Variants in GRID1 observed in about 807,000 individuals in gnomAD.
GRID1 encodes glutamate ionotropic receptor delta type subunit 1.
GRID1 carries 28 observed loss-of-function variants against 98.0 expected under a neutral mutation model. The observed-to-expected ratio is 0.29, with a 90% CI of 0.21 to 0.39. GRID1 has a LOEUF of 0.39. Ranked by LOEUF, GRID1 falls within the 10% of genes least tolerant of loss-of-function variation. The pLI is 1.00. For missense variants in GRID1, 1,111 were observed against 1,340.5 expected, an observed-to-expected ratio of 0.83 and a Z score of 2.67; for synonymous variants, 553 against 538.5, an observed-to-expected ratio of 1.03 and a Z score of -0.37.
intron 4 of GRID1, among the ~76,000 whole-genome samples, chr10:85,941,899 T>G (rs564480829): frequency 6.6e-6 from 1 of 152,328 alleles, no homozygotes; most frequent in East Asian, 1.9e-4. Context: ...TCCCTGTGGC[T>G]TTAACTGCCT....
chr10:85,636,589 A>G (rs1843045381), intron 13 of GRID1, among the ~76,000 whole-genome samples: 1 of 152,256 alleles, frequency 6.6e-6, no homozygotes, highest in Non-Finnish European at 1.5e-5. Context: ...ATTATAAAGC[A>G]AAATAAAGCA....
chr10:86,357,236 T>C (rs1229249426), intron 2 of GRID1, among the ~76,000 whole-genome samples: 1 of 152,198 alleles, frequency 6.6e-6, no homozygotes, highest in African/African-American at 2.4e-5. Flanking sequence ...GAGGGAGGGC[T>C]CAGAGAGCCT....
At chr10:85,605,315 A>T (rs973899921) in intron 15 of GRID1, 6 of 152,224 alleles carry the variant, frequency 3.9e-5, no homozygotes, top group African/African-American at 9.6e-5. Flanking sequence ...AGTACCAGGG[A>T]GTCTGGAAGC....
intron 13 of GRID1, among the ~76,000 whole-genome samples, chr10:85,635,694 G>A (rs1012901652): frequency 6.6e-6 from 1 of 152,218 alleles, no homozygotes; most frequent in African/African-American, 2.4e-5. Context: ...GCAGGGCACT[G>A]AGGGTTGGAT....
rs750458313 is a variant in GRID1 at position 85,874,735 on chromosome 10, C to G, written c.781-5555G>C. Among the ~76,000 whole-genome samples the G allele has an allele frequency of 2.0e-5, 3 of 152,248 alleles. No individual in the cohort carries two copies. In the East Asian group the frequency reaches 5.8e-4, roughly 29 times the overall value. ...GTGTGGTCAGTTTGTACTACATGAACGTTTCATGTGCATTCACTGTTCATT... is the reference window on the plus strand; with the variant it reads ...GTGTGGTCAGTTTGTACTACATGAAGGTTTCATGTGCATTCACTGTTCATT... On this transcript the variant is annotated intron_variant, in intron 5 of 15. Transcript: ENST00000327946.
At chr10:86,293,755 G>GCACT (rs1847549118) in intron 2 of GRID1, among the ~76,000 whole-genome samples, 1 of 151,798 alleles carries the variant, frequency 6.6e-6, no homozygotes, top group Admixed American at 6.6e-5. Context: ...GGGGTGGAAT[G>GCACT]CATTCATTCA....
chr10:85,651,421 C>T (rs762027701), intron 12 of GRID1, among the ~76,000 whole-genome samples: 3 of 152,204 alleles, frequency 2.0e-5, no homozygotes, highest in Non-Finnish European at 4.4e-5. Context: ...AACTGCCCAT[C>T]TGTCTCCCCA....
At chr10:86,007,652 T>G (rs1354208842) in intron 4 of GRID1, among the ~76,000 whole-genome samples, 1 of 152,212 alleles carries the variant, frequency 6.6e-6, no homozygotes, top group Admixed American at 6.5e-5. Context: ...ATTTAAATTC[T>G]TCCTGCTTTT....
At chr10:85,688,523 A>ATGACC (rs1841294638) in intron 12 of GRID1, among the ~76,000 whole-genome samples, 1 of 152,172 alleles carries the variant, frequency 6.6e-6, no homozygotes, top group Non-Finnish European at 1.5e-5. Flanking sequence ...CTAGAAATGG[A>ATGACC]TAGATTTAAA....
intron 9 of GRID1, 102 bp downstream of exon 9, chr10:85,729,411 C>T: frequency 1.5e-6 from 1 of 669,844 alleles, no homozygotes; most frequent in South Asian, 1.9e-5. Flanking sequence ...CAATACTCCT[C>T]AAGATTCTCT....
In GRID1 at chr10:86,195,211, A is replaced by C. The variant is rs746723235; in HGVS notation, c.520+11153T>G. ...ACTGCACAGTCAGCGACTGTGCTTG[A>C]CTGAGAAACAGCCAAGCAAAACCCA... On this transcript the variant is annotated intron_variant, in intron 3 of 15. Coordinates refer to ENST00000327946, the MANE Select transcript of GRID1 (RefSeq NM_017551.3). The surrounding 1 kb of genome is among the most constrained non-coding windows in gnomAD (Gnocchi z 4.4). Among the ~76,000 whole-genome samples, 30 of 152,036 alleles carry C rather than the reference A, an allele frequency of 2.0e-4. No individual in the cohort carries two copies. The highest frequency in any genetic ancestry group is 3.2e-4 in the Non-Finnish European group (22 of 67,950).
At chr10:86,143,993 G>A (rs977868796) in intron 3 of GRID1, among the ~76,000 whole-genome samples, 8 of 152,074 alleles carry the variant, frequency 5.3e-5, no homozygotes, top group African/African-American at 9.7e-5. Context: ...CAAGCCTGCC[G>A]GAGTCCTGCC....
intron 4 of GRID1, among the ~76,000 whole-genome samples, chr10:86,127,595 T>C (rs1448034620): frequency 6.6e-6 from 1 of 152,146 alleles, no homozygotes; most frequent in Non-Finnish European, 1.5e-5. Flanking sequence ...TAACATCCTC[T>C]CCAGCTGAGT....
chr10:85,665,874 C>A (rs1252416796), intron 12 of GRID1, among the ~76,000 whole-genome samples: 1 of 152,074 alleles, frequency 6.6e-6, no homozygotes, highest in East Asian at 1.9e-4. Flanking sequence ...CATAAATATG[C>A]ATCTCCAAGC....
chr10:85,626,693 TC>T (rs1212028305), intron 13 of GRID1, among the ~76,000 whole-genome samples: 3 of 152,290 alleles, frequency 2.0e-5, no homozygotes, highest in East Asian at 3.9e-4. Flanking sequence ...GTTCCTATAG[TC>T]ACGTTCATTC....
chr10:85,867,629 C>G (rs1256830744), intron 6 of GRID1, among the ~76,000 whole-genome samples: 2 of 152,206 alleles, frequency 1.3e-5, no homozygotes, highest in African/African-American at 4.8e-5. Flanking sequence ...CAGAATAAAC[C>G]AGCAGCATCT....
At chr10:85,999,478 G>T (rs541818117) in intron 4 of GRID1, among the ~76,000 whole-genome samples, 5 of 152,212 alleles carry the variant, frequency 3.3e-5, no homozygotes, top group African/African-American at 2.4e-5. Context: ...GGCCAGATTT[G>T]CCCTGCTACC....
chr10:85,982,320 C>A (rs973268315), intron 4 of GRID1, among the ~76,000 whole-genome samples: 1 of 151,742 alleles, frequency 6.6e-6, no homozygotes, highest in Non-Finnish European at 1.5e-5. Flanking sequence ...TAAATATATA[C>A]TTTTATATTA....
At chr10:85,850,762 T>A (rs974526879) in intron 8 of GRID1, among the ~76,000 whole-genome samples, 1 of 152,186 alleles carries the variant, frequency 6.6e-6, no homozygotes, top group African/African-American at 2.4e-5. Context: ...CACAGTGTCA[T>A]TACACTGACT....
Sources: allele counts gnomAD v4.1 joint callset (sites outside exome capture counted in the v4.1 genomes callset), GRCh38; gene constraint gnomAD v4.1.1; non-coding constraint Gnocchi (gnomAD v3.1); transcripts MANE v1.5; gene names NCBI Gene and HGNC (gene_info 2026-07-23, HGNC 2026-07-21).